KAZN: variants seen among roughly 807,000 people sequenced by gnomAD.
KAZN encodes the protein kazrin, periplakin interacting protein.
A neutral mutation model predicts 87.4 loss-of-function variants in KAZN; 40 were observed. That is an observed-to-expected ratio of 0.46 (90% CI 0.36 to 0.60). KAZN has a LOEUF of 0.60. Ranked by LOEUF, KAZN falls within the 20% of genes least tolerant of loss-of-function variation. The pLI, the probability that KAZN is intolerant of heterozygous loss-of-function variation, is 0.00. For synonymous variants in KAZN, 466 were observed against 458.3 expected (o/e 1.02, Z -0.22); for missense variants, 898 against 1,073.9 (o/e 0.84, Z 2.29).
chr1:14,845,848 G>A (rs758451796), intron 1 of KAZN, among the ~76,000 whole-genome samples: 8 of 152,016 alleles, frequency 5.3e-5, no homozygotes, highest in Admixed American at 2.0e-4. Context: ...GTCAGACCTC[G>A]AGGCAAGTCG....
chr1:14,369,009 T>A (rs1343458630), intron 2 of KAZN, among the ~76,000 whole-genome samples: 1 of 152,156 alleles, frequency 6.6e-6, no homozygotes, highest in Non-Finnish European at 1.5e-5. Flanking sequence ...CAGTGGCTAA[T>A]AGGGAGCGCT....
chr1:14,023,379 A>G (rs568082323), intron 1 of KAZN, among the ~76,000 whole-genome samples: 105 of 152,290 alleles, frequency 6.9e-4, no homozygotes, highest in African/African-American at 2.5e-3. Flanking sequence ...CCATCAGGTG[A>G]TATATTCTAC....
At chr1:14,548,892 T>G (rs1673335272) in intron 2 of KAZN, among the ~76,000 whole-genome samples, 1 of 152,256 alleles carries the variant, frequency 6.6e-6, no homozygotes, top group Non-Finnish European at 1.5e-5. Context: ...TCTATGCTAT[T>G]GATGTTTTCC....
chr1:14,434,302 C>T (rs1238196279), intron 2 of KAZN, among the ~76,000 whole-genome samples: 2 of 152,166 alleles, frequency 1.3e-5, no homozygotes, highest in Non-Finnish European at 2.9e-5. Context: ...GCTGCCACCT[C>T]CCTTACCGGT....
intron 1 of KAZN, among the ~76,000 whole-genome samples, chr1:14,866,736 A>T (rs2690017): frequency 0.66 from 100,290 of 151,944 alleles, 34,176 homozygotes; most frequent in East Asian, 0.96. Flanking sequence ...CTTAAAAAAA[A>T]AAAATGTTGA....
intron 1 of KAZN, among the ~76,000 whole-genome samples, chr1:14,029,380 T>C (rs1476376357): frequency 1.4e-5 from 1 of 73,662 alleles, no homozygotes; most frequent in Non-Finnish European, 2.6e-5. Flanking sequence ...ATTAGCCCTT[T>C]GTCAGATGAG....
chr1:14,924,816 G>C (rs188002617), intron 1 of KAZN, among the ~76,000 whole-genome samples: 2 of 152,138 alleles, frequency 1.3e-5, no homozygotes, highest in South Asian at 4.1e-4. Flanking sequence ...CGCGCTTGCC[G>C]GAGCCAGGCG....
At chr1:14,865,058 C>T (rs777528003) in intron 1 of KAZN, among the ~76,000 whole-genome samples, 13 of 152,288 alleles carry the variant, frequency 8.5e-5, no homozygotes, top group Admixed American at 2.0e-4. Context: ...GATCTTTCCC[C>T]GTCCAAAATG....
Position 14,921,153 on chromosome 1 carries a change from A to AACACACACACAC in KAZN, c.227-39507_227-39496dup, listed in dbSNP as rs55766387. Among the ~76,000 whole-genome samples the AACACACACACAC allele has an allele frequency of 3.0e-3, 429 of 144,494 alleles. 2 individuals carry two copies. The highest frequency in any genetic ancestry group is 0.016 in the South Asian group (68 of 4,316). 94.8% of individuals were successfully genotyped at this position (144,494 alleles called of 152,430 possible). A position where few individuals can be genotyped will look rare whatever the true frequency, so the allele number is the denominator to read the frequency against. ...TCTGCAGTCCTGGGCCTGAGCATGC[A>AACACACACACAC]ACACACACACACACACACACACACA... On this transcript the variant is annotated intron_variant, in intron 1 of 14. Transcript: ENST00000376030.
At chr1:14,740,724 G>C (rs747570130) in intron 1 of KAZN, among the ~76,000 whole-genome samples, 1 of 152,156 alleles carries the variant, frequency 6.6e-6, no homozygotes, top group African/African-American at 2.4e-5. Flanking sequence ...CTGGGATCAA[G>C]AGGGTCTCTT....
At chr1:15,086,981 T>G (rs1393886337) in intron 8 of KAZN, among the ~76,000 whole-genome samples, 1 of 152,252 alleles carries the variant, frequency 6.6e-6, no homozygotes, top group Non-Finnish European at 1.5e-5. Flanking sequence ...GAATTTTCAT[T>G]TCTACCAAAT....
chr1:14,121,465 A>G (rs1267067753), intron 1 of KAZN, among the ~76,000 whole-genome samples: 1 of 152,192 alleles, frequency 6.6e-6, no homozygotes, highest in African/African-American at 2.4e-5. Context: ...AGTATCCACA[A>G]TTATACAGTT....
In KAZN at chr1:15,023,272, C is replaced by T. The variant is rs566760974; in HGVS notation, c.419-11477C>T. 9.2e-5 allele frequency among the ~76,000 whole-genome samples: 14 copies of T among 152,332 alleles called. No individual in the cohort carries two copies. In the South Asian group the frequency reaches 2.9e-3, roughly 32 times the overall value. On this transcript the variant is annotated intron_variant, in intron 2 of 14. Transcript: ENST00000376030. ...AGGAGGAGGTGCTTGCTTCAGTGAA[C>T]ATTTCCCACGATAAACACAGAATAC...
intron 1 of KAZN, among the ~76,000 whole-genome samples, chr1:14,765,969 T>C (rs1321555585): frequency 6.6e-6 from 1 of 152,100 alleles, no homozygotes; most frequent in African/African-American, 2.4e-5. Context: ...TGTCGAAGGG[T>C]GTGTCTGTGT....
At chr1:15,039,314 G>A (rs915618860) in intron 3 of KAZN, among the ~76,000 whole-genome samples, 14 of 152,210 alleles carry the variant, frequency 9.2e-5, no homozygotes, top group South Asian at 2.1e-4. Context: ...GAGGCAGGAT[G>A]CAAACCCAGG....
intron 1 of KAZN, among the ~76,000 whole-genome samples, chr1:14,638,781 C>T (rs1680202991): frequency 6.6e-6 from 1 of 152,206 alleles, no homozygotes; most frequent in Admixed American, 6.5e-5. Context: ...TCTAGGCCGC[C>T]ATCAATTGTC....
intron 1 of KAZN, among the ~76,000 whole-genome samples, chr1:14,128,284 G>A (rs752522115): frequency 5.3e-5 from 8 of 150,814 alleles, no homozygotes; most frequent in Non-Finnish European, 1.0e-4. Context: ...CTCTCCATGG[G>A]CAGCCAAGTG....
chr1:14,517,860 C>T (rs1671378939), intron 2 of KAZN, among the ~76,000 whole-genome samples: 1 of 152,156 alleles, frequency 6.6e-6, no homozygotes, highest in Non-Finnish European at 1.5e-5. Flanking sequence ...TTCTCATTGC[C>T]ATAAAACAAA....
intron 1 of KAZN, among the ~76,000 whole-genome samples, chr1:14,149,565 C>T (rs1411566281): frequency 1.3e-5 from 2 of 152,126 alleles, no homozygotes; most frequent in Non-Finnish European, 2.9e-5. Context: ...GCCTGGGCCT[C>T]TTCCCTGCCA....
Sources: gnomAD v4.1 joint callset for allele counts (sites outside exome capture counted in the v4.1 genomes callset) on GRCh38, gnomAD v4.1.1 for gene constraint, MANE v1.5 for transcripts, NCBI Gene and HGNC (gene_info 2026-07-23, HGNC 2026-07-21) for gene names.